AHCYL2: variants seen among roughly 807,000 people sequenced by gnomAD.
AHCYL2 encodes adenosylhomocysteinase like 2.
In AHCYL2, 28 loss-of-function variants were observed where a neutral mutation model predicts 81.4. That is an observed-to-expected ratio of 0.34 (90% CI 0.25 to 0.47). The LOEUF is 0.47. Among genes scored for constraint, AHCYL2 ranks in the 20% least tolerant of loss-of-function variants. The pLI is 1.00. For missense variants in AHCYL2, 551 were observed against 785.1 expected (o/e 0.70, Z 3.56); for synonymous variants, 272 against 290.2 (o/e 0.94, Z 0.64).
intron 1 of AHCYL2, among the ~76,000 whole-genome samples, chr7:129,273,376 T>C (rs1018162582): frequency 9.2e-5 from 11 of 119,772 alleles, no homozygotes; most frequent in African/African-American, 3.1e-4. Context: ...TTGCCCAGGC[T>C]GGAGTGCAAT....
intron 1 of AHCYL2, among the ~76,000 whole-genome samples, chr7:129,254,196 A>G (rs1795333756): frequency 6.6e-6 from 1 of 152,216 alleles, no homozygotes; most frequent in Non-Finnish European, 1.5e-5. Flanking sequence ...GGAAGGTATC[A>G]GAAAGGTCCC....
chr7:129,285,415 T>C (rs1391191589), intron 1 of AHCYL2, among the ~76,000 whole-genome samples: 1 of 152,162 alleles, frequency 6.6e-6, no homozygotes, highest in African/African-American at 2.4e-5. Context: ...AACAGCTCTT[T>C]GTGTCCTGAG....
At chr7:129,420,083 T>G (rs2150963521) in intron 12 of AHCYL2, among the ~76,000 whole-genome samples, 1 of 152,236 alleles carries the variant, frequency 6.6e-6, no homozygotes, top group East Asian at 1.9e-4. Flanking sequence ...AAACCCCTTT[T>G]TAAACTTACT....
intron 1 of AHCYL2, among the ~76,000 whole-genome samples, chr7:129,334,511 T>C (rs1300073896): frequency 6.6e-6 from 1 of 152,208 alleles, no homozygotes; most frequent in Admixed American, 6.5e-5. Flanking sequence ...GTTTTCAGTC[T>C]AGATGATGAT....
At chr7:129,340,431 G>C (rs1053747654) in intron 1 of AHCYL2, among the ~76,000 whole-genome samples, 1 of 151,522 alleles carries the variant, frequency 6.6e-6, no homozygotes, top group African/African-American at 2.4e-5. Flanking sequence ...AGCCGGGCGT[G>C]GTGGCAGTTG....
At chr7:129,280,178 C>CTT (rs59849233) in intron 1 of AHCYL2, among the ~76,000 whole-genome samples, 10 of 112,562 alleles carry the variant, frequency 8.9e-5, no homozygotes, top group African/African-American at 2.5e-4. Context: ...TTGCTAAATA[C>CTT]TTTTTTTTTT....
At chr7:129,344,116 G>A (rs146838346) in intron 1 of AHCYL2, among the ~76,000 whole-genome samples, 5 of 152,286 alleles carry the variant, frequency 3.3e-5, no homozygotes, top group African/African-American at 1.2e-4. Context: ...ATTAAAAAGA[G>A]TGACAATAGC....
intron 1 of AHCYL2, among the ~76,000 whole-genome samples, chr7:129,275,727 G>A (rs1393278785): frequency 6.6e-6 from 1 of 152,128 alleles, no homozygotes; most frequent in South Asian, 2.1e-4. Flanking sequence ...TACAAAATAT[G>A]TAGATAGAAT....
chr7:129,386,905 A>G (rs1795229519), intron 2 of AHCYL2, among the ~76,000 whole-genome samples: 1 of 152,200 alleles, frequency 6.6e-6, no homozygotes, highest in African/African-American at 2.4e-5. Context: ...TTCCCATTCA[A>G]AATCTTAAAG....
chr7:129,375,705 T>G (rs923120052), intron 1 of AHCYL2: 1 of 1,443,280 alleles, frequency 6.9e-7, no homozygotes, highest in Admixed American at 2.8e-5. Context: ...CTGAAGGGGT[T>G]GTTGGAGCTG....
intron 1 of AHCYL2, among the ~76,000 whole-genome samples, chr7:129,279,040 C>T (rs1796327824): frequency 6.6e-6 from 1 of 152,106 alleles, no homozygotes; most frequent in African/African-American, 2.4e-5. Flanking sequence ...TGTTTTGACT[C>T]TTCTGCGCCC....
chr7:129,257,173 T>C (rs1359046102), intron 1 of AHCYL2, among the ~76,000 whole-genome samples: 1 of 152,122 alleles, frequency 6.6e-6, no homozygotes. Context: ...AACCCTCAGA[T>C]AGGAATAGGA....
intron 1 of AHCYL2, among the ~76,000 whole-genome samples, chr7:129,362,607 T>TG (rs1563212543): frequency 1.4e-5 from 2 of 144,654 alleles, no homozygotes; most frequent in African/African-American, 2.5e-5. Context: ...GTTTTTTTTT[T>TG]TTTTTTTTTT....
At chr7:129,364,324 T>G (rs1794031663) in intron 1 of AHCYL2, among the ~76,000 whole-genome samples, 1 of 152,248 alleles carries the variant, frequency 6.6e-6, no homozygotes, top group Non-Finnish European at 1.5e-5. Flanking sequence ...AGACGGAGTC[T>G]CACTCTGTCA....
At chr7:129,332,655 C>T (rs1442156501) in intron 1 of AHCYL2, among the ~76,000 whole-genome samples, 1 of 152,178 alleles carries the variant, frequency 6.6e-6, no homozygotes, top group Non-Finnish European at 1.5e-5. Flanking sequence ...CTCCCAATTC[C>T]TTTTTATTAA....
intron 1 of AHCYL2, among the ~76,000 whole-genome samples, chr7:129,293,869 A>T (rs918050522): frequency 3.3e-5 from 5 of 152,208 alleles, no homozygotes; most frequent in African/African-American, 1.2e-4. Context: ...TAGTATTGAG[A>T]TTAAGACTTG....
intron 1 of AHCYL2, among the ~76,000 whole-genome samples, chr7:129,256,919 G>A (rs2150710606): frequency 6.6e-6 from 1 of 152,042 alleles, no homozygotes; most frequent in African/African-American, 2.4e-5. Context: ...AGTCTTAGGA[G>A]AAAATAAAAT....
chr7:129,314,683 C>T (rs1198169214), intron 1 of AHCYL2, among the ~76,000 whole-genome samples: 1 of 152,168 alleles, frequency 6.6e-6, no homozygotes, highest in Non-Finnish European at 1.5e-5. Context: ...CTTCCAAATA[C>T]CAACACATTG....
At chr7:129,281,500 T>C (rs2150740195) in intron 1 of AHCYL2, among the ~76,000 whole-genome samples, 1 of 143,034 alleles carries the variant, frequency 7.0e-6, no homozygotes, top group Admixed American at 6.9e-5. Context: ...TTTTTTTTTT[T>C]TTTTTTTTTT....
Sources: allele counts gnomAD v4.1 joint callset (sites outside exome capture counted in the v4.1 genomes callset), GRCh38; gene constraint gnomAD v4.1.1; transcripts MANE v1.5; gene names NCBI Gene and HGNC (gene_info 2026-07-23, HGNC 2026-07-21).